The following RPS6KA2 variants were observed in gnomAD, a reference collection of about 807,000 sequenced individuals.
RPS6KA2 encodes the protein ribosomal protein S6 kinase A2, also known as ribosomal protein S6 kinase alpha-2.
Under a neutral mutation model 91.8 loss-of-function variants are expected in RPS6KA2, and 42 were observed. The ratio of observed to expected loss-of-function variants is 0.46; its 90% CI spans 0.36 to 0.59. The LOEUF is 0.59. RPS6KA2 is among the 20% of genes least tolerant of loss of function. The probability of loss-of-function intolerance (pLI) is 0.00; values close to 1 mark genes in which losing one functional copy is unlikely to be tolerated. For missense variants in RPS6KA2, 798 were observed against 978.5 expected (o/e 0.82, Z 2.46); for synonymous variants, 414 against 393.6 (o/e 1.05, Z -0.61).
chr6:166,432,334 A>G, intron 15 of RPS6KA2, 67 bp downstream of exon 15: 3 of 1,030,074 alleles, frequency 2.9e-6, no homozygotes, highest in Non-Finnish European at 4.5e-6. Flanking sequence ...CTCTGAGTGA[A>G]TGGGAGTTTT....
rs1385154496 is a variant in RPS6KA2, at chr6:166,737,439, G to GACTC, written c.123+120760_123+120761insGAGT. On this transcript the variant is annotated intron_variant, in intron 2 of 21. Coordinates refer to the RPS6KA2 transcript ENST00000503859. This position sits in a 1 kb window ranked among gnomAD's most constrained non-coding sequence, Gnocchi z 4.3. ...TGCATAGCCAGACACCTCGAGAAAT[G>GACTC]ACGCACGCCTTACTCATTTATAATC... Among the ~76,000 whole-genome samples, 19 of 152,118 alleles carry GACTC rather than the reference G, an allele frequency of 1.2e-4. No homozygotes were observed. Among genetic ancestry groups the GACTC allele is most frequent in the African/African-American group, 4.6e-4 (19 of 41,418 alleles).
At chr6:166,824,785 CTG>C (rs1231266460) in intron 2 of RPS6KA2, among the ~76,000 whole-genome samples, 16 of 146,298 alleles carry the variant, frequency 1.1e-4, no homozygotes, top group Admixed American at 5.4e-4. Flanking sequence ...ACGTGTGTGT[CTG>C]TGTGTGTGTC....
Position 166,666,395 on chromosome 6 carries a change from T to C in RPS6KA2, c.124-127611A>G, listed in dbSNP as rs1788316866. Among the ~76,000 whole-genome samples, 2 of 152,222 alleles carry C rather than the reference T, an allele frequency of 1.3e-5. No individual in the cohort carries two copies. Among genetic ancestry groups the C allele is most frequent in the Admixed American group, 1.3e-4 (2 of 15,282 alleles). On this transcript the variant is annotated intron_variant, in intron 2 of 21. Transcript: ENST00000503859. The surrounding 1 kb of genome is among the most constrained non-coding windows in gnomAD (Gnocchi z 4.0). Reference sequence around the variant, plus strand: ...CTGACATTTGTCAGTTGTGTCAAAATGCTAGAAAGTACCATTTCAAATGCT... The same window carrying C: ...CTGACATTTGTCAGTTGTGTCAAAACGCTAGAAAGTACCATTTCAAATGCT...
At chr6:166,505,731 G>A (rs892249398) in intron 5 of RPS6KA2, among the ~76,000 whole-genome samples, 43 of 152,194 alleles carry the variant, frequency 2.8e-4, no homozygotes, top group Non-Finnish European at 1.0e-4. Context: ...AGTGACTGGT[G>A]GGTGCCAGCC....
chr6:166,841,676 A>G (rs1328887480), intron 2 of RPS6KA2, among the ~76,000 whole-genome samples: 2 of 152,240 alleles, frequency 1.3e-5, no homozygotes, highest in African/African-American at 4.8e-5. Context: ...GGACCTAGTG[A>G]TTGCACTTCA....
intron 1 of RPS6KA2, among the ~76,000 whole-genome samples, chr6:166,624,527 G>A (rs1042343317): frequency 2.6e-5 from 4 of 152,182 alleles, no homozygotes; most frequent in African/African-American, 7.2e-5. Flanking sequence ...GGAACTTACT[G>A]GACTGGGGCA....
intron 2 of RPS6KA2, 27 bp downstream of exon 2, chr6:166,538,641 T>G: frequency 3.8e-6 from 5 of 1,314,198 alleles, no homozygotes; most frequent in Non-Finnish European, 5.5e-6. Context: ...GGAATGAGAC[T>G]CAAGAGACAG....
At chr6:166,429,397 C>G (rs1458040402) in intron 16 of RPS6KA2, among the ~76,000 whole-genome samples, 1 of 151,868 alleles carries the variant, frequency 6.6e-6, no homozygotes, top group Non-Finnish European at 1.5e-5. Flanking sequence ...TGTAACTAAC[C>G]TGCACATTGT....
intron 2 of RPS6KA2, among the ~76,000 whole-genome samples, chr6:166,777,683 T>C (rs1187072319): frequency 6.6e-6 from 1 of 152,326 alleles, no homozygotes; most frequent in East Asian, 1.9e-4. Flanking sequence ...GGTTCACAGA[T>C]AGTATAAATC....
intron 1 of RPS6KA2, among the ~76,000 whole-genome samples, chr6:166,583,552 T>TC (rs1785083412): frequency 1.3e-5 from 2 of 152,180 alleles, no homozygotes; most frequent in Admixed American, 1.3e-4. Context: ...ACACCAGGGT[T>TC]CCCCACCCAC....
chr6:166,449,713 G>A (rs190866338), intron 13 of RPS6KA2, among the ~76,000 whole-genome samples: 4 of 152,120 alleles, frequency 2.6e-5, no homozygotes, highest in Admixed American at 1.3e-4. Flanking sequence ...TCTTTAAGAC[G>A]AATGCCAAGT....
rs148633309 is a variant in RPS6KA2, at chr6:166,453,953, A to C, written c.1076-2720T>G. ...TTTAAGTGAAACAACTCACACGTGG[A>C]AAGTCAAACATCGCATGTTCTCACT... On this transcript the variant is annotated intron_variant, in intron 12 of 20. Transcript: ENST00000265678. Among the ~76,000 whole-genome samples, 6 of 152,374 alleles carry C rather than the reference A, an allele frequency of 3.9e-5. No individual in the cohort carries two copies. In the South Asian group the frequency reaches 1.2e-3, roughly 32 times the overall value.
chr6:166,471,507 C>T (rs1780768198), intron 10 of RPS6KA2, among the ~76,000 whole-genome samples: 1 of 152,264 alleles, frequency 6.6e-6, no homozygotes, highest in Non-Finnish European at 1.5e-5. Flanking sequence ...GGCACTCTCA[C>T]AGCACTCTCA....
At chr6:166,579,229 T>C (rs2128514645) in intron 1 of RPS6KA2, among the ~76,000 whole-genome samples, 1 of 152,284 alleles carries the variant, frequency 6.6e-6, no homozygotes, top group South Asian at 2.1e-4. Flanking sequence ...ATTCAGCTTT[T>C]TTTGAGTGCC....
At chr6:166,510,554 CAT>C (rs58712416) in intron 3 of RPS6KA2, among the ~76,000 whole-genome samples, 197 bp from the exon 4 acceptor site, 288 of 78,080 alleles carry the variant, frequency 3.7e-3, no homozygotes, top group Non-Finnish European at 4.4e-3. Flanking sequence ...TTCTCTCTCT[CAT>C]ATATATATAT....
At chr6:166,672,086 G>A (rs1248389459) in intron 2 of RPS6KA2, among the ~76,000 whole-genome samples, 2 of 152,176 alleles carry the variant, frequency 1.3e-5, no homozygotes, top group African/African-American at 4.8e-5. Flanking sequence ...CTGGATTAGA[G>A]GTTGTGTGTA....
At chr6:166,802,932 ATG>A (rs71804902) in intron 2 of RPS6KA2, among the ~76,000 whole-genome samples, 27,168 of 146,548 alleles carry the variant, frequency 0.19, 2,662 homozygotes, top group African/African-American at 0.25. Context: ...ATGTATGTAT[ATG>A]TGTGTGTGTG....
intron 2 of RPS6KA2, among the ~76,000 whole-genome samples, chr6:166,640,891 G>A (rs183313055): frequency 4.2e-5 from 6 of 141,390 alleles, no homozygotes; most frequent in African/African-American, 1.9e-4. Context: ...TCACTGTGAA[G>A]AAGGAGGCTT....
exon 1 of RPS6KA2, chr6:166,862,180 T>C (rs1781061561): frequency 6.2e-7 from 1 of 1,614,166 alleles, no homozygotes; most frequent in East Asian, 2.2e-5. Context: ...TTTTTAAACT[T>C]TCCTTTTCTG....
Sources: allele counts gnomAD v4.1 joint callset (sites outside exome capture counted in the v4.1 genomes callset), GRCh38; gene constraint gnomAD v4.1.1; non-coding constraint Gnocchi (gnomAD v3.1); transcripts MANE v1.5; gene names NCBI Gene and HGNC (gene_info 2026-07-23, HGNC 2026-07-21).